The following POLA1 variants were observed in gnomAD, a reference collection of about 807,000 sequenced individuals.
POLA1 encodes the protein DNA polymerase alpha catalytic subunit.
A neutral mutation model predicts 124.0 loss-of-function variants in POLA1; 15 were observed. That is an observed-to-expected ratio of 0.12 (90% confidence interval 0.08 to 0.19). The LOEUF (loss-of-function observed/expected upper bound fraction) is 0.19. POLA1 is among the 10% of genes least tolerant of loss of function. The probability of loss-of-function intolerance (pLI) is 1.00; values close to 1 mark genes in which losing one functional copy is unlikely to be tolerated. For missense variants in POLA1, 886 were observed against 1,103.4 expected (o/e 0.80, Z 2.79); for synonymous variants, 408 against 389.4 (o/e 1.05, Z -0.56).
At chrX:24,714,213 A>T (rs1602266724) in intron 4 of POLA1, among the ~76,000 whole-genome samples, 2 of 111,889 alleles carry the variant, frequency 1.8e-5, no homozygotes, top group Non-Finnish European at 3.8e-5. Context: ...GCTGGAGTGC[A>T]GTGGCGTGAT....
chrX:24,940,608 C>T (rs1174974146), intron 36 of POLA1, among the ~76,000 whole-genome samples: 1 of 111,800 alleles, frequency 8.9e-6, no homozygotes, highest in Admixed American at 9.5e-5. Flanking sequence ...TACAGGTATA[C>T]TAATTTCCTC....
intron 26 of POLA1, among the ~76,000 whole-genome samples, chrX:24,760,907 A>G (rs1279875011): frequency 8.9e-6 from 1 of 111,846 alleles, no homozygotes; most frequent in Non-Finnish European, 1.9e-5. Flanking sequence ...TACCAGAGTC[A>G]GGTTGTGCAG....
chrX:24,815,290 C>T (rs2045975070), intron 30 of POLA1, among the ~76,000 whole-genome samples, 179 bp downstream of exon 30: 1 of 111,422 alleles, frequency 9.0e-6, no homozygotes. Context: ...CAGGTACTGC[C>T]ATGTCTGCCA....
chrX:24,790,614 T>A (rs1446468334), intron 26 of POLA1, among the ~76,000 whole-genome samples: 1 of 111,081 alleles, frequency 9.0e-6, no homozygotes, highest in Non-Finnish European at 1.9e-5. Context: ...TCTAAAAATC[T>A]TTATTTCTGT....
chrX:24,851,558 T>G (rs2046562025), intron 34 of POLA1, among the ~76,000 whole-genome samples: 1 of 113,255 alleles, frequency 8.8e-6, no homozygotes, highest in Non-Finnish European at 1.9e-5. Context: ...CATCCAGCAA[T>G]GGACTAGTAC....
intron 26 of POLA1, among the ~76,000 whole-genome samples, chrX:24,801,924 G>GGGGTGTGTGTGTGTGTGTGT (rs759368851): frequency 5.4e-5 from 4 of 74,536 alleles, no homozygotes; most frequent in Admixed American, 1.7e-4. Context: ...GAGGTGGGTG[G>GGGGTGTGTGTGTGTGTGTGT]GTGTGTGTGT....
At chrX:24,819,178 C>T (rs1055544195) in intron 30 of POLA1, among the ~76,000 whole-genome samples, 3 of 112,188 alleles carry the variant, frequency 2.7e-5, no homozygotes, top group Non-Finnish European at 5.6e-5. Flanking sequence ...CTGAATTATA[C>T]AGTATACTCC....
chrX:24,701,125 G>A (rs1223115137), intron 2 of POLA1, among the ~76,000 whole-genome samples: 2 of 111,230 alleles, frequency 1.8e-5, no homozygotes, highest in South Asian at 3.8e-4. Context: ...AAAGAAAGTT[G>A]GTCAGTATAG....
chrX:24,723,233 T>C lies in POLA1; in HGVS notation c.1166T>C (p.Ile389Thr), dbSNP rs1930312962. 2 of 1,200,476 alleles carry C rather than the reference T, an allele frequency of 1.7e-6. No individual in the cohort carries two copies. The highest frequency in any genetic ancestry group is 1.1e-6 in the Non-Finnish European group (1 of 885,064). ...AGCTGTTGTGTCATGGTGAAAAATATCGAGCGAACGCTTTACTTCCTTCCC... is the reference window on the plus strand; with the variant it reads ...AGCTGTTGTGTCATGGTGAAAAATACCGAGCGAACGCTTTACTTCCTTCCC... ...HVSCCVMVKN[I>T]ERTLYFLPRE... Residue 389 changes from isoleucine to threonine, a missense_variant, in exon 11 of 37, where the codon ATC becomes ACC. Ile to Thr is a moderately conservative substitution (Grantham distance 89). This residue lies in a region of POLA1 where 337 missense variants were observed against 402.8 expected (regional missense o/e 0.84). Coordinates refer to ENST00000379068, the MANE Select transcript of POLA1 (RefSeq NM_001330360.2).
chrX:24,865,116 G>T (rs1353790778), intron 34 of POLA1, among the ~76,000 whole-genome samples: 1 of 111,668 alleles, frequency 9.0e-6, no homozygotes, highest in Non-Finnish European at 1.9e-5. Flanking sequence ...AAGCCTATAT[G>T]CTCTTTTCAG....
intron 36 of POLA1, among the ~76,000 whole-genome samples, chrX:24,942,739 G>GA: frequency 8.9e-6 from 1 of 112,175 alleles, no homozygotes; most frequent in African/African-American, 3.2e-5. Context: ...CACCTAGGCT[G>GA]GAGTTCAGTG....
rs757169691 is a variant in POLA1 at position 24,749,097 on chromosome X, A to C, written c.2964+105A>C. ...TTTATTACCTAGTTGTACAGCATCA[A>C]ATACAGTACCCCTCTCTTTGGATGA... On this transcript the variant is annotated intron_variant, in intron 26 of 36. Transcript: ENST00000379068. 55 of 569,527 alleles carry C rather than the reference A, an allele frequency of 9.7e-5. No individual in the cohort carries two copies. The South Asian group carries it at 1.7e-3, about 17-fold the overall frequency. 46.9% of individuals were successfully genotyped at this position (569,527 alleles called of 1,213,427 possible). A position where few individuals can be genotyped will look rare whatever the true frequency, so the allele number is the denominator to read the frequency against.
At chrX:24,858,595 T>G (rs2046677505) in intron 34 of POLA1, among the ~76,000 whole-genome samples, 1 of 112,250 alleles carries the variant, frequency 8.9e-6, no homozygotes, top group African/African-American at 3.2e-5. Context: ...CAATATTCCT[T>G]GTAGGAATCA....
chrX:24,962,825 G>C (rs1242129080), intron 36 of POLA1, among the ~76,000 whole-genome samples: 1 of 111,777 alleles, frequency 8.9e-6, no homozygotes, highest in Non-Finnish European at 1.9e-5. Flanking sequence ...TTGTGAGATG[G>C]ATATAATTAT....
chrX:24,776,949 T>C (rs1207795105), intron 26 of POLA1, among the ~76,000 whole-genome samples: 1 of 112,229 alleles, frequency 8.9e-6, no homozygotes, highest in Non-Finnish European at 1.9e-5. Context: ...AAGCAAATCT[T>C]TTGTTTAATC....
chrX:24,717,296 A>T lies in POLA1; in HGVS notation c.713A>T (p.Asp238Val), dbSNP rs1460219477. ...PLKRAEFAGD[D>V]VQVESTEEEQ... is the part of the protein sequence containing the mutation. Reference sequence around the variant, plus strand: ...TGTGTGATGATGCCTACAGGCGATGATGTACAGGTCGAGAGTACAGAAGAA... The same window carrying T: ...TGTGTGATGATGCCTACAGGCGATGTTGTACAGGTCGAGAGTACAGAAGAA... Residue 238 changes from aspartate (D) to valine (V), a missense_variant, in exon 9 of 37, where the codon GAT becomes GTT. By Grantham distance (152) the Asp-to-Val change is radical. This residue lies in a region of POLA1 where 337 missense variants were observed against 402.8 expected (regional missense o/e 0.84). Coordinates refer to ENST00000379068, the MANE Select transcript of POLA1 (RefSeq NM_001330360.2). The T allele has an allele frequency of 1.7e-6, 2 of 1,207,250 alleles. No individual in the cohort carries two copies. The highest frequency in any genetic ancestry group is 4.3e-5 in the Admixed American group (2 of 46,013).
At chrX:24,802,777 C>T (rs758240492) in intron 26 of POLA1, among the ~76,000 whole-genome samples, 71 of 111,876 alleles carry the variant, frequency 6.3e-4, no homozygotes, top group African/African-American at 2.2e-3. Flanking sequence ...GAAGGTGGCT[C>T]ACCTGAGGTC....
intron 10 of POLA1, among the ~76,000 whole-genome samples, chrX:24,719,695 C>G (rs948771507): frequency 2.7e-5 from 3 of 111,866 alleles, no homozygotes; most frequent in Non-Finnish European, 5.6e-5. Flanking sequence ...CCGTACTTTG[C>G]TGCATCTGCT....
chrX:24,825,626 C>T (rs1192138399), intron 31 of POLA1, among the ~76,000 whole-genome samples: 1 of 111,967 alleles, frequency 8.9e-6, no homozygotes, highest in Non-Finnish European at 1.9e-5. Flanking sequence ...ATGGTGACAT[C>T]ATTCACAAGG....
Sources: allele counts gnomAD v4.1 joint callset (sites outside exome capture counted in the v4.1 genomes callset), GRCh38; gene constraint gnomAD v4.1.1; regional missense constraint gnomAD v4.1.1; transcripts MANE v1.5; gene names NCBI Gene and HGNC (gene_info 2026-07-23, HGNC 2026-07-21).